SENP1: variants seen among roughly 807,000 people sequenced by gnomAD.
The protein encoded by SENP1 is sentrin-specific protease 1.
SENP1 carries 21 observed loss-of-function variants against 93.0 expected under a neutral mutation model. That is an observed-to-expected ratio of 0.23 (90% CI 0.16 to 0.33). SENP1 has a LOEUF of 0.33. Among genes scored for constraint, SENP1 ranks in the 10% least tolerant of loss-of-function variants. The pLI is 1.00. For synonymous variants in SENP1, 256 were observed against 259.6 expected (o/e 0.99, Z 0.13); for missense variants, 591 against 758.7 (o/e 0.78, Z 2.60).
intron 17 of SENP1, 56 bp from the exon 18 acceptor site, chr12:48,045,440 G>C (rs536653170): frequency 7.0e-7 from 1 of 1,418,454 alleles, no homozygotes; most frequent in Non-Finnish European, 1.0e-6. Flanking sequence ...GACCTGATAC[G>C]CCTTTCCCCA....
intron 1 of SENP1, among the ~76,000 whole-genome samples, chr12:48,103,914 T>G (rs1397137294): frequency 6.6e-6 from 1 of 152,064 alleles, no homozygotes; most frequent in South Asian, 2.1e-4. Context: ...AGGAAGTTAC[T>G]AGAAAATATA....
intron 13 of SENP1, among the ~76,000 whole-genome samples, chr12:48,050,412 C>T (rs562551699): frequency 4.5e-4 from 68 of 152,254 alleles, no homozygotes; most frequent in Admixed American, 4.0e-3. Context: ...TAGGCAGCTG[C>T]GGGAAAACCA....
intron 13 of SENP1, among the ~76,000 whole-genome samples, chr12:48,053,152 C>T (rs1485683691): frequency 6.6e-6 from 1 of 152,090 alleles, no homozygotes; most frequent in Non-Finnish European, 1.5e-5. Context: ...TCCCCCCGTT[C>T]CCATCAAAAA....
At chr12:48,079,168 T>A (rs1049780263) in intron 6 of SENP1, among the ~76,000 whole-genome samples, 1 of 149,352 alleles carries the variant, frequency 6.7e-6, no homozygotes, top group Non-Finnish European at 1.5e-5. Flanking sequence ...AAAAAAAAAA[T>A]TAAAATTAAA....
intron 16 of SENP1, 57 bp downstream of exon 16, chr12:48,046,921 C>T: frequency 8.5e-7 from 1 of 1,173,314 alleles, no homozygotes. Flanking sequence ...CAGTAAAATT[C>T]TTTCCTCCCC....
chr12:48,051,910 C>A (rs1380362026), intron 13 of SENP1, among the ~76,000 whole-genome samples: 3 of 152,226 alleles, frequency 2.0e-5, no homozygotes, highest in African/African-American at 7.2e-5. Flanking sequence ...TGAGGACTAA[C>A]TGTCAACATT....
At chr12:48,092,446 A>T (rs1208834911) in intron 4 of SENP1, among the ~76,000 whole-genome samples, 4 of 152,164 alleles carry the variant, frequency 2.6e-5, no homozygotes, top group Non-Finnish European at 5.9e-5. Flanking sequence ...ATAAGAAAAA[A>T]ATATATATAG....
chr12:48,055,004 G>C (rs1026145384), intron 13 of SENP1: 4 of 223,966 alleles, frequency 1.8e-5, no homozygotes, highest in African/African-American at 9.2e-5. Context: ...CTGCCCTCTT[G>C]GGTGTAGGTG....
At position 48,071,685 on chromosome 12, in the gene SENP1, G is replaced by T. The variant is rs1398843243; in HGVS notation, c.977C>A (p.Ser326Tyr). The T allele has an allele frequency of 1.9e-6, 3 of 1,607,880 alleles. No individual in the cohort carries two copies. The highest frequency in any genetic ancestry group is 2.6e-6 in the Non-Finnish European group (3 of 1,175,190). ...DSVILLKVKD[S>Y]QTPTPSSTFF... The stretch of plus-strand genomic sequence containing the variant: ...AGTTTACCTGGGAGTTGGAGTCTGG[G>T]AATCTTTCACTTTCAGTAAAATCAC... The change falls in exon 9 of 18, where the codon TCC (serine) becomes TAC (tyrosine). Residue 326 changes from serine (S) to tyrosine (Y), a missense_variant. Coordinates refer to ENST00000549518, the MANE Select transcript of SENP1 (RefSeq NM_001267594.2).
At chr12:48,080,945 G>T (rs147893711) in intron 6 of SENP1, among the ~76,000 whole-genome samples, 15 of 152,274 alleles carry the variant, frequency 9.9e-5, no homozygotes, top group African/African-American at 3.6e-4. Context: ...CCCAACCTGT[G>T]GCCTGGAGGG....
intron 4 of SENP1, among the ~76,000 whole-genome samples, chr12:48,096,032 A>G (rs2137275809): frequency 6.6e-6 from 1 of 152,336 alleles, no homozygotes; most frequent in Non-Finnish European, 1.5e-5. Flanking sequence ...CACCCTTTAC[A>G]CACATCACAT....
intron 13 of SENP1, 133 bp downstream of exon 13, chr12:48,063,577 T>C (rs1943097914): frequency 2.7e-6 from 2 of 753,320 alleles, no homozygotes; most frequent in East Asian, 2.7e-5. Context: ...GTTACAAGAA[T>C]GAAGAGGCCT....
intron 2 of SENP1, among the ~76,000 whole-genome samples, chr12:48,098,430 G>T (rs1201073958): frequency 1.3e-5 from 2 of 151,988 alleles, no homozygotes; most frequent in Non-Finnish European, 2.9e-5. Context: ...GGATCACGGG[G>T]TCAGGAGTTC....
intron 1 of SENP1, 172 bp downstream of exon 1, chr12:48,105,856 A>G: frequency 1.7e-6 from 1 of 602,336 alleles, no homozygotes; most frequent in Non-Finnish European, 2.9e-6. Flanking sequence ...ACCGGACAGC[A>G]GGGGGGAGGG....
chr12:48,047,360 T>C (rs950075699), intron 15 of SENP1, among the ~76,000 whole-genome samples: 3 of 152,242 alleles, frequency 2.0e-5, no homozygotes, highest in African/African-American at 7.2e-5. Flanking sequence ...CAATTCTTTT[T>C]ATTCTTTTCC....
Position 48,101,467 on chromosome 12 carries a change from AC to A in SENP1, c.4+1del. The A allele has an allele frequency of 1.2e-6, 2 of 1,600,204 alleles. No homozygotes were observed. The highest frequency in any genetic ancestry group is 8.5e-7 in the Non-Finnish European group (1 of 1,174,114). ...AAGGATTCAACAGCTAGTTAGTCTT[AC>A]CCATTTCAAGTCTTTTCACATCACT... On this transcript the variant is annotated splice_donor_variant, in intron 2 of 17. Transcript: ENST00000549518. LOFTEE classifies it high-confidence loss of function.
chr12:48,048,822 T>C, intron 14 of SENP1, 107 bp downstream of exon 14: 1 of 795,538 alleles, frequency 1.3e-6, no homozygotes, highest in Non-Finnish European at 2.0e-6. Context: ...CTAAACACTC[T>C]TTCTCTCAAT....
chr12:48,085,475 C>G, intron 5 of SENP1: 3 of 629,364 alleles, frequency 4.8e-6, no homozygotes, highest in East Asian at 6.1e-5. Context: ...ATTCTCAGGC[C>G]TCTCCCCAGG....
At chr12:48,064,444 G>A (rs1943159562) in intron 12 of SENP1, among the ~76,000 whole-genome samples, 1 of 152,054 alleles carries the variant, frequency 6.6e-6, no homozygotes, top group Non-Finnish European at 1.5e-5. Context: ...TAAAAAAAGA[G>A]CAAATCTCAG....
Sources: gnomAD v4.1 joint callset for allele counts (sites outside exome capture counted in the v4.1 genomes callset) on GRCh38, gnomAD v4.1.1 for gene constraint, MANE v1.5 for transcripts, NCBI Gene and HGNC (gene_info 2026-07-23, HGNC 2026-07-21) for gene names.